Variants in DIAPH2 observed in about 807,000 individuals in gnomAD.
The protein encoded by DIAPH2 is protein diaphanous homolog 2.
Under a neutral mutation model 92.7 loss-of-function variants are expected in DIAPH2, and 35 were observed. The observed-to-expected ratio is 0.38, with a 90% CI of 0.29 to 0.50. The LOEUF is 0.50. Among genes scored for constraint, DIAPH2 ranks in the 20% least tolerant of loss-of-function variants. DIAPH2 has a pLI of 0.94. For missense variants in DIAPH2, 701 were observed against 819.5 expected (o/e 0.86, Z 1.77); for synonymous variants, 301 against 280.4 (o/e 1.07, Z -0.73).
chrX:97,381,350 G>A (rs766604011), intron 24 of DIAPH2, among the ~76,000 whole-genome samples: 20 of 111,207 alleles, frequency 1.8e-4, no homozygotes, highest in Non-Finnish European at 3.8e-5. Flanking sequence ...TCGATCAAAG[G>A]ATGCTTATAA....
intron 17 of DIAPH2, among the ~76,000 whole-genome samples, chrX:97,041,518 G>A (rs1370778766): frequency 3.6e-5 from 4 of 110,800 alleles, no homozygotes; most frequent in African/African-American, 9.8e-5. Context: ...AGCTGTCAGC[G>A]GTATTCAAAA....
intron 23 of DIAPH2, among the ~76,000 whole-genome samples, chrX:97,310,780 G>A (rs1483561744): frequency 9.0e-6 from 1 of 111,490 alleles, no homozygotes; most frequent in Admixed American, 9.6e-5. Flanking sequence ...ACGCTGATGC[G>A]GGCAGATCAC....
At chrX:97,030,148 A>T in intron 17 of DIAPH2, among the ~76,000 whole-genome samples, 1 of 111,939 alleles carries the variant, frequency 8.9e-6, no homozygotes, top group East Asian at 2.8e-4. Flanking sequence ...TGGAGGAAAA[A>T]GTCAAAAATC....
chrX:97,045,163 C>T (rs190060906), intron 17 of DIAPH2, among the ~76,000 whole-genome samples: 8 of 111,611 alleles, frequency 7.2e-5, no homozygotes, highest in South Asian at 7.5e-4. Context: ...TGGATTTGTG[C>T]GATAAAAGAC....
intron 26 of DIAPH2, among the ~76,000 whole-genome samples, chrX:97,491,021 A>G (rs1483590893): frequency 9.0e-6 from 1 of 111,318 alleles, no homozygotes; most frequent in African/African-American, 3.3e-5. Context: ...TTATCTTACC[A>G]ATACCATAGT....
chrX:96,824,557 A>C (rs1033533622), intron 4 of DIAPH2, among the ~76,000 whole-genome samples: 7 of 111,457 alleles, frequency 6.3e-5, no homozygotes, highest in Non-Finnish European at 9.4e-5. Context: ...TGATAACATC[A>C]TGTATAGTTG....
rs73632872 is a variant in DIAPH2, at chrX:96,864,822, C to T, written c.448-16757C>T. ...GGACACTGAAGTAGAAATCAGATGCCCTAGGCTTTATTCCCACATCCATTT... is the reference window on the plus strand; with the variant it reads ...GGACACTGAAGTAGAAATCAGATGCTCTAGGCTTTATTCCCACATCCATTT... On this transcript the variant is annotated intron_variant, in intron 4 of 26. Coordinates refer to ENST00000324765, the MANE Select transcript of DIAPH2 (RefSeq NM_006729.5). Among the ~76,000 whole-genome samples, 184 of 111,759 alleles carry T rather than the reference C, an allele frequency of 1.6e-3. 1 individual carries two copies. The highest frequency in any genetic ancestry group is 5.5e-3 in the African/African-American group (170 of 30,797).
chrX:97,005,566 T>C (rs971777355), intron 17 of DIAPH2, among the ~76,000 whole-genome samples: 1 of 110,950 alleles, frequency 9.0e-6, no homozygotes, highest in Non-Finnish European at 1.9e-5. Context: ...GGGGACGGAG[T>C]CTCACTTCTG....
chrX:96,864,274 T>A (rs2065090487), intron 4 of DIAPH2, among the ~76,000 whole-genome samples: 1 of 103,359 alleles, frequency 9.7e-6, no homozygotes, highest in Non-Finnish European at 2.0e-5. Context: ...CAAAAATAAG[T>A]CATACTTTTT....
At chrX:96,711,456 G>T (rs1402607910) in intron 1 of DIAPH2, among the ~76,000 whole-genome samples, 2 of 111,822 alleles carry the variant, frequency 1.8e-5, no homozygotes, top group Non-Finnish European at 3.8e-5. Flanking sequence ...TTTCATGTTT[G>T]TTGGCCATTT....
intron 26 of DIAPH2, among the ~76,000 whole-genome samples, chrX:97,536,378 C>T (rs763350886): frequency 2.0e-3 from 224 of 112,053 alleles, no homozygotes; most frequent in African/African-American, 7.1e-3. Flanking sequence ...ATGAAAATAT[C>T]ATATGAGTCA....
In DIAPH2 at chrX:97,258,578, A is replaced by T. The variant is rs2068258610; in HGVS notation, c.2844+10739A>T. 3.9e-5 allele frequency among the ~76,000 whole-genome samples: 4 copies of T among 103,735 alleles called. No homozygotes were observed. The Admixed American group carries it at 4.2e-4, about 11-fold the overall frequency. The allele number at this position is 103,735 out of a possible 115,157, so 90.1% of individuals were successfully genotyped here. On this transcript the variant is annotated intron_variant, in intron 23 of 26. Coordinates refer to ENST00000324765, the MANE Select transcript of DIAPH2 (RefSeq NM_006729.5). ...ACAGAGCGAGACTCCGCCTCAAAAAAAATAATAAGAGCCAGTCACGGTGGC... is the reference window on the plus strand; with the variant it reads ...ACAGAGCGAGACTCCGCCTCAAAAATAATAATAAGAGCCAGTCACGGTGGC...
intron 17 of DIAPH2, among the ~76,000 whole-genome samples, chrX:96,978,348 ATATTAT>A (rs201359270): frequency 1.8e-5 from 2 of 110,107 alleles, no homozygotes; most frequent in East Asian, 2.8e-4. Flanking sequence ...AGCCCCATTT[ATATTAT>A]TATTATTATT....
At chrX:97,015,602 AAT>A (rs2066254597) in intron 17 of DIAPH2, among the ~76,000 whole-genome samples, 1 of 111,166 alleles carries the variant, frequency 9.0e-6, no homozygotes, top group South Asian at 3.9e-4. Context: ...GACTCGTGTA[AAT>A]ATGTGTCGGT....
chrX:97,334,671 A>C (rs756522811), intron 23 of DIAPH2, among the ~76,000 whole-genome samples: 1 of 105,484 alleles, frequency 9.5e-6, no homozygotes, highest in Non-Finnish European at 2.0e-5. Flanking sequence ...TGCTAGTTTA[A>C]AAAAACAAAA....
chrX:97,300,703 C>A (rs5921775), intron 23 of DIAPH2, among the ~76,000 whole-genome samples: 1 of 87,362 alleles, frequency 1.1e-5, no homozygotes, highest in Non-Finnish European at 2.2e-5. Flanking sequence ...GAGGCCGAGG[C>A]GGGCGGATCA....
intron 24 of DIAPH2, among the ~76,000 whole-genome samples, chrX:97,364,286 G>A (rs1284605899): frequency 9.0e-6 from 1 of 111,462 alleles, no homozygotes; most frequent in Non-Finnish European, 1.9e-5. Flanking sequence ...ATCTTCCTGG[G>A]AGTGACCTCC....
intron 1 of DIAPH2, among the ~76,000 whole-genome samples, chrX:96,689,858 C>T (rs1045528163): frequency 1.2e-4 from 13 of 111,135 alleles, no homozygotes; most frequent in Admixed American, 1.2e-3. Flanking sequence ...CCTGGCAGGC[C>T]GGTGCTTGGG....
At chrX:97,273,816 T>C (rs2068411179) in intron 23 of DIAPH2, among the ~76,000 whole-genome samples, 1 of 112,059 alleles carries the variant, frequency 8.9e-6, no homozygotes, top group African/African-American at 3.2e-5. Flanking sequence ...TACATGTTGT[T>C]TGACATTGGT....
Sources: gnomAD v4.1 joint callset for allele counts (sites outside exome capture counted in the v4.1 genomes callset) on GRCh38, gnomAD v4.1.1 for gene constraint, MANE v1.5 for transcripts, NCBI Gene and HGNC (gene_info 2026-07-23, HGNC 2026-07-21) for gene names.